The following CFAP161 variants were observed in gnomAD, a reference collection of about 807,000 sequenced individuals.
CFAP161 encodes cilia- and flagella-associated protein 161.
In CFAP161, 25 loss-of-function variants were observed where a neutral mutation model predicts 29.0. The observed-to-expected ratio is 0.86, with a 90% CI of 0.63 to 1.20. The LOEUF is 1.20. Among genes scored for constraint, CFAP161 ranks in the 50% most tolerant of loss-of-function variants. The pLI is 0.00. For synonymous variants in CFAP161, 116 were observed against 137.4 expected (o/e 0.84, Z 1.09); for missense variants, 367 against 371.9 (o/e 0.99, Z 0.11).
intron 1 of CFAP161, among the ~76,000 whole-genome samples, chr15:81,121,513 AACAC>A (rs796936570): frequency 6.5e-5 from 2 of 30,764 alleles, no homozygotes; most frequent in Non-Finnish European, 2.8e-4. Flanking sequence ...TTTCATCAAA[AACAC>A]ATCTGACTTT....
chr15:81,107,653 A>T (rs1176465592), intron 1 of CFAP161, among the ~76,000 whole-genome samples: 4 of 152,160 alleles, frequency 2.6e-5, no homozygotes, highest in Non-Finnish European at 5.9e-5. Context: ...TGAACCCAGG[A>T]GGCGGAGGTT....
chr15:81,147,705 G>A (rs2141887973), intron 5 of CFAP161, among the ~76,000 whole-genome samples, 153 bp from the exon 6 acceptor site: 1 of 152,046 alleles, frequency 6.6e-6, no homozygotes, highest in East Asian at 1.9e-4. Context: ...GTTGTGAAGT[G>A]GCACATGACT....
chr15:81,116,304 A>G (rs577402040), intron 1 of CFAP161, among the ~76,000 whole-genome samples: 1 of 151,926 alleles, frequency 6.6e-6, no homozygotes, highest in Non-Finnish European at 1.5e-5. Flanking sequence ...ATTAAGAACA[A>G]ATTTTTTGAG....
At chr15:81,127,593 G>A (rs1894657367) in exon 2 of CFAP161, 1 of 151,964 alleles carries the variant, frequency 6.6e-6, no homozygotes, top group African/African-American at 2.4e-5. Context: ...TATTAAGGTG[G>A]GCTTATCTAA....
intron 1 of CFAP161, among the ~76,000 whole-genome samples, chr15:81,120,457 C>G (rs185308203): frequency 2.6e-5 from 4 of 152,224 alleles, no homozygotes; most frequent in Admixed American, 2.0e-4. Context: ...AACAACAGAG[C>G]TAAAACTGAA....
At chr15:81,133,378 A>G (rs1894750460), upstream of CFAP161, among the ~76,000 whole-genome samples, 1 of 151,330 alleles carries the variant, frequency 6.6e-6, no homozygotes, top group Non-Finnish European at 1.5e-5. Context: ...CTTTAATTGC[A>G]TTTTTCCACA....
intron 1 of CFAP161, among the ~76,000 whole-genome samples, chr15:81,119,634 G>A (rs916677190): frequency 5.9e-5 from 9 of 152,258 alleles, no homozygotes; most frequent in African/African-American, 2.2e-4. Flanking sequence ...CAAGATGAGA[G>A]AGACATTTTT....
At chr15:81,126,823 G>A (rs1894647272) in intron 1 of CFAP161, among the ~76,000 whole-genome samples, 1 of 152,162 alleles carries the variant, frequency 6.6e-6, no homozygotes, top group African/African-American at 2.4e-5. Context: ...CCATTGATTT[G>A]AAAGTTCTTA....
intron 1 of CFAP161, among the ~76,000 whole-genome samples, chr15:81,121,561 A>G (rs147359800): frequency 6.6e-6 from 1 of 152,018 alleles, no homozygotes; most frequent in Non-Finnish European, 1.5e-5. Flanking sequence ...TTATATATAT[A>G]TATTAATTAG....
chr15:81,142,310 A>G (rs1405541684), intron 4 of CFAP161, among the ~76,000 whole-genome samples: 1 of 150,674 alleles, frequency 6.6e-6, no homozygotes, highest in African/African-American at 2.4e-5. Flanking sequence ...TATTATTATT[A>G]TTATTTGTTT....
chr15:81,119,730 C>T (rs180852326), intron 1 of CFAP161, among the ~76,000 whole-genome samples: 1 of 151,946 alleles, frequency 6.6e-6, no homozygotes, highest in East Asian at 1.9e-4. Context: ...CTGGGGAAAC[C>T]TGCCAAAGAC....
intron 1 of CFAP161, among the ~76,000 whole-genome samples, chr15:81,115,500 C>T (rs1382027954): frequency 6.6e-6 from 1 of 152,122 alleles, no homozygotes; most frequent in Non-Finnish European, 1.5e-5. Flanking sequence ...CTGCTAGAAT[C>T]CATTACTAAG....
At chr15:81,104,211 G>A (rs1894335443) in intron 1 of CFAP161, among the ~76,000 whole-genome samples, 1 of 152,240 alleles carries the variant, frequency 6.6e-6, no homozygotes, top group South Asian at 2.1e-4. Flanking sequence ...GGCAGAGAAA[G>A]TAGCAGTAGA....
At chr15:81,107,922 ATT>A (rs58188926) in intron 1 of CFAP161, among the ~76,000 whole-genome samples, 8 of 144,078 alleles carry the variant, frequency 5.6e-5, no homozygotes, top group African/African-American at 1.5e-4. Context: ...CTCTTATCAC[ATT>A]TTTTTTTTTT....
chr15:81,110,220 G>A (rs1894423482), intron 1 of CFAP161, among the ~76,000 whole-genome samples: 1 of 152,110 alleles, frequency 6.6e-6, no homozygotes, highest in African/African-American at 2.4e-5. Context: ...TTTGTTTTAT[G>A]TAATTGAATT....
intron 3 of CFAP161, among the ~76,000 whole-genome samples, chr15:81,137,455 G>A (rs1400176925): frequency 2.6e-5 from 4 of 152,114 alleles, no homozygotes; most frequent in Non-Finnish European, 5.9e-5. Flanking sequence ...AATTAGCTGG[G>A]CGTGGTGGCA....
Position 81,148,646 on chromosome 15 carries a change from C to G in CFAP161, c.*113C>G. The G allele has an allele frequency of 2.2e-6, 2 of 906,988 alleles. No individual in the cohort carries two copies. Among genetic ancestry groups the G allele is most frequent in the African/African-American group, 1.7e-5 (1 of 60,280 alleles). 56.2% of individuals were successfully genotyped at this position (906,988 alleles called of 1,614,324 possible). ...CTATTTTTGAATCAGATGTGGGACT[C>G]TCTGGGCACTATATTAAAATAAAGA... On this transcript the variant is annotated 3_prime_UTR_variant, in exon 7 of 7. Coordinates refer to ENST00000286732, the MANE Select transcript of CFAP161 (RefSeq NM_173528.4).
chr15:81,105,511 A>G (rs1439356940), intron 1 of CFAP161, among the ~76,000 whole-genome samples: 1 of 151,502 alleles, frequency 6.6e-6, no homozygotes, highest in African/African-American at 2.4e-5. Context: ...TTGACCTGCC[A>G]GGCTCAAGCA....
chr15:81,104,881 G>T (rs1894342593), intron 1 of CFAP161, among the ~76,000 whole-genome samples: 1 of 151,908 alleles, frequency 6.6e-6, no homozygotes. Context: ...GTAAGAAATT[G>T]CCACAAACTT....
Sources: allele counts gnomAD v4.1 joint callset (sites outside exome capture counted in the v4.1 genomes callset), GRCh38; gene constraint gnomAD v4.1.1; transcripts MANE v1.5; gene names NCBI Gene and HGNC (gene_info 2026-07-23, HGNC 2026-07-21).